Variants in TIAM1 observed in about 807,000 individuals in gnomAD.
The protein encoded by TIAM1 is rho guanine nucleotide exchange factor TIAM1.
In TIAM1, 65 loss-of-function variants were observed where a neutral mutation model predicts 163.5. The ratio of observed to expected loss-of-function variants is 0.40; its 90% CI spans 0.33 to 0.49. The LOEUF is 0.49. TIAM1 is among the 20% of genes least tolerant of loss of function. The pLI is 0.77. For synonymous variants in TIAM1, 833 were observed against 810.1 expected (o/e 1.03, Z -0.48); for missense variants, 1,789 against 2,044.7 (o/e 0.87, Z 2.41).
At chr21:31,517,945 CT>C (rs926200598) in intron 1 of TIAM1, among the ~76,000 whole-genome samples, 1 of 152,218 alleles carries the variant, frequency 6.6e-6, no homozygotes, top group African/African-American at 2.4e-5. Context: ...GTTTAATGCA[CT>C]TGGTTCAAAC....
At chr21:31,188,719 G>A (rs1290171891) in intron 13 of TIAM1, among the ~76,000 whole-genome samples, 1 of 152,126 alleles carries the variant, frequency 6.6e-6, no homozygotes, top group Non-Finnish European at 1.5e-5. Context: ...GACTACATGT[G>A]AGTGCTACCA....
intron 2 of TIAM1, among the ~76,000 whole-genome samples, chr21:31,441,788 C>T (rs1483080715): frequency 1.3e-5 from 2 of 151,418 alleles, no homozygotes; most frequent in African/African-American, 2.4e-5. Context: ...GTGGCTCATG[C>T]CTGTAATCCC....
At position 31,329,673 on chromosome 21, in the gene TIAM1, C is replaced by T. The variant is rs77412769; in HGVS notation, c.-189+9570G>A. The stretch of plus-strand genomic sequence containing the variant: ...AGTGCTTTCACAGCTATGAAGCCGC[C>T]AGGGAAAATCCCATTCTTAGAGTAT... On this transcript the variant is annotated intron_variant, in intron 2 of 27. Coordinates refer to ENST00000541036, the MANE Select transcript of TIAM1 (RefSeq NM_001353694.2). 8.4e-3 allele frequency among the ~76,000 whole-genome samples: 1,281 copies of T among 152,326 alleles called. 23 individuals carry two copies. Among genetic ancestry groups the T allele is most frequent in the African/African-American group, 0.029 (1,204 of 41,560 alleles).
intron 1 of TIAM1, among the ~76,000 whole-genome samples, chr21:31,550,283 A>C (rs1311048281): frequency 6.6e-6 from 1 of 152,228 alleles, no homozygotes; most frequent in East Asian, 1.9e-4. Context: ...TACCCATACA[A>C]TGGAATATTA....
In TIAM1 at chr21:31,213,383, C is replaced by T. The variant is rs755162897; in HGVS notation, c.2217+15G>A. The stretch of plus-strand genomic sequence containing the variant: ...TGTGGTACTTTTAGAAAAGAAAACA[C>T]ACGTTTATTTTTACCTTGCCATCTG... On this transcript the variant is annotated intron_variant, in intron 10 of 27. Coordinates refer to ENST00000541036, the MANE Select transcript of TIAM1 (RefSeq NM_001353694.2). 3 of 1,605,094 alleles carry T rather than the reference C, an allele frequency of 1.9e-6. No homozygotes were observed. Among genetic ancestry groups the T allele is most frequent in the Non-Finnish European group, 2.6e-6 (3 of 1,176,452 alleles).
At chr21:31,417,572 C>T (rs1306657333) in intron 2 of TIAM1, among the ~76,000 whole-genome samples, 1 of 152,162 alleles carries the variant, frequency 6.6e-6, no homozygotes, top group Non-Finnish European at 1.5e-5. Context: ...GTCCCTCCCA[C>T]AATACGTGAG....
intron 1 of TIAM1, among the ~76,000 whole-genome samples, chr21:31,478,716 A>G (rs1269942447): frequency 6.6e-6 from 1 of 152,238 alleles, no homozygotes; most frequent in Non-Finnish European, 1.5e-5. Context: ...CACCAAAACA[A>G]TGATCAATTA....
chr21:31,357,533 C>T (rs750092892), intron 2 of TIAM1, among the ~76,000 whole-genome samples: 39 of 152,332 alleles, frequency 2.6e-4, no homozygotes, highest in African/African-American at 6.7e-4. Context: ...GTCCAATCTC[C>T]ACCCCTTGCT....
chr21:31,164,959 C>T lies in TIAM1; in HGVS notation c.2991+3G>A. The T allele has an allele frequency of 6.2e-7, 1 of 1,613,882 alleles. No individual in the cohort carries two copies. Among genetic ancestry groups the T allele is most frequent in the South Asian group, 1.1e-5 (1 of 91,066 alleles). On this transcript the variant is annotated splice_donor_region_variant and intron_variant, in intron 16 of 27. Coordinates refer to ENST00000541036, the MANE Select transcript of TIAM1 (RefSeq NM_001353694.2). ...ATGGGATGTGAAAATGAAAATCTCT[C>T]ACCTTGCTGCTGTGATCAGTCTCAT...
chr21:31,228,205 CCGGCCTCCTTTTTT>C (rs1942209006), intron 6 of TIAM1, among the ~76,000 whole-genome samples: 1 of 31,414 alleles, frequency 3.2e-5, no homozygotes, highest in Non-Finnish European at 5.7e-5. Flanking sequence ...GCCACCATGC[CCGGCCTCCTTTTTT>C]TAAAAAAAAA....
Position 31,266,278 on chromosome 21 carries a change from A to G in TIAM1, c.695T>C (p.Leu232Ser), listed in dbSNP as rs1201631072. The G allele has an allele frequency of 1.1e-5, 17 of 1,614,052 alleles. No individual in the cohort carries two copies. Among genetic ancestry groups the G allele is most frequent in the Non-Finnish European group, 1.4e-5 (16 of 1,180,032 alleles). ...GTTTTTCTGAGCATACAAGTCACCC[A>G]AGGAATTGGCTCTCTGACAGGTGCT... Reference protein sequence around the residue: ...QLSTCQRANSLGDLYAQKNSG... With the variant: ...QLSTCQRANSSGDLYAQKNSG... Residue 232 changes from leucine to serine, a missense_variant, in exon 4 of 28, where the codon TTG (leucine) becomes TCG (serine). This residue lies in a region of TIAM1 where 555 missense variants were observed against 564.9 expected (regional missense o/e 0.98). Coordinates refer to ENST00000541036, the MANE Select transcript of TIAM1 (RefSeq NM_001353694.2).
intron 1 of TIAM1, among the ~76,000 whole-genome samples, chr21:31,503,413 G>A (rs1393603568): frequency 1.9e-5 from 2 of 103,002 alleles, no homozygotes; most frequent in Non-Finnish European, 3.7e-5. Flanking sequence ...AAGAAGAGAA[G>A]AGAAGAGGAG....
At chr21:31,534,479 C>A (rs948580487) in intron 1 of TIAM1, among the ~76,000 whole-genome samples, 3 of 152,094 alleles carry the variant, frequency 2.0e-5, no homozygotes, top group African/African-American at 4.8e-5. Context: ...AGTTCAAGAC[C>A]AGCCTGGCCA....
At chr21:31,501,229 G>A (rs2046837682) in intron 1 of TIAM1, among the ~76,000 whole-genome samples, 1 of 152,126 alleles carries the variant, frequency 6.6e-6, no homozygotes, top group Admixed American at 6.6e-5. Flanking sequence ...TACTGCAGAG[G>A]CTGGTTCACA....
chr21:31,526,922 G>A (rs183623737), intron 1 of TIAM1, among the ~76,000 whole-genome samples: 8 of 152,128 alleles, frequency 5.3e-5, no homozygotes, highest in East Asian at 1.9e-4. Flanking sequence ...GGCTGGTCTC[G>A]AACTCCTGAC....
intron 2 of TIAM1, among the ~76,000 whole-genome samples, chr21:31,443,367 C>T (rs1569336235): frequency 6.6e-6 from 1 of 152,182 alleles, no homozygotes; most frequent in Non-Finnish European, 1.5e-5. Flanking sequence ...AGTAGAGATG[C>T]GTCCATAACC....
At chr21:31,187,338 A>T (rs745999313) in intron 13 of TIAM1, among the ~76,000 whole-genome samples, 2 of 152,208 alleles carry the variant, frequency 1.3e-5, no homozygotes, top group African/African-American at 2.4e-5. Flanking sequence ...AGGAAAGCAA[A>T]TTATTTTGTT....
intron 10 of TIAM1, among the ~76,000 whole-genome samples, chr21:31,210,627 AAGAAAGAAAG>A (rs2086717793): frequency 4.3e-5 from 1 of 23,328 alleles, no homozygotes; most frequent in African/African-American, 1.5e-4. Flanking sequence ...GAAAGAAAGA[AAGAAAGAAAG>A]AAAGAAAGAA....
chr21:31,135,174 T>C (rs2082569762), intron 23 of TIAM1, among the ~76,000 whole-genome samples: 1 of 152,172 alleles, frequency 6.6e-6, no homozygotes, highest in Non-Finnish European at 1.5e-5. Context: ...CATGGAGTGT[T>C]GATAGTTTTA....
Sources: allele counts gnomAD v4.1 joint callset (sites outside exome capture counted in the v4.1 genomes callset), GRCh38; gene constraint gnomAD v4.1.1; regional missense constraint gnomAD v4.1.1; transcripts MANE v1.5; gene names NCBI Gene and HGNC (gene_info 2026-07-23, HGNC 2026-07-21).